The following LPXN variants were observed in gnomAD, a reference collection of about 807,000 sequenced individuals.
LPXN encodes the protein leupaxin.
Under a neutral mutation model 45.6 loss-of-function variants are expected in LPXN, and 28 were observed. That is an observed-to-expected ratio of 0.61 (90% CI 0.45 to 0.84). LPXN has a LOEUF of 0.84. LPXN is among the 40% of genes least tolerant of loss of function. The pLI, the probability that LPXN is intolerant of heterozygous loss-of-function variation, is 0.00. For synonymous variants in LPXN, 166 were observed against 169.9 expected, an observed-to-expected ratio of 0.98 and a Z score of 0.18; for missense variants, 459 against 475.0, an observed-to-expected ratio of 0.97 and a Z score of 0.31.
chr11:58,560,627 A>C (rs116677140), intron 3 of LPXN, among the ~76,000 whole-genome samples: 38 of 152,322 alleles, frequency 2.5e-4, no homozygotes, highest in African/African-American at 8.9e-4. Context: ...CTGACACTCT[A>C]TACAGAGCTT....
intron 1 of LPXN, among the ~76,000 whole-genome samples, chr11:58,571,834 A>G (rs1408279206): frequency 6.6e-6 from 1 of 152,220 alleles, no homozygotes; most frequent in Non-Finnish European, 1.5e-5. Context: ...TATTTTGTAG[A>G]TCACAAGAAA....
chr11:58,548,627 GATA>G (rs1168843303), intron 7 of LPXN, among the ~76,000 whole-genome samples: 4 of 152,252 alleles, frequency 2.6e-5, no homozygotes, highest in African/African-American at 9.6e-5. Flanking sequence ...AGGACACTGT[GATA>G]ATAATATTAA....
At chr11:58,527,823 C>A (rs1190313368) in intron 8 of LPXN, 100 bp from the exon 9 acceptor site, 3 of 1,241,824 alleles carry the variant, frequency 2.4e-6, no homozygotes, top group Non-Finnish European at 3.4e-6. Context: ...CAGTTACCTG[C>A]CAGCTACAGG....
chr11:58,552,065 G>A (rs1382125003), intron 4 of LPXN, among the ~76,000 whole-genome samples: 1 of 152,166 alleles, frequency 6.6e-6, no homozygotes, highest in East Asian at 1.9e-4. Context: ...TTATTCCAAG[G>A]TGATGGAAGC....
chr11:58,560,533 A>G (rs1318505836), intron 3 of LPXN, among the ~76,000 whole-genome samples: 1 of 152,190 alleles, frequency 6.6e-6, no homozygotes, highest in African/African-American at 2.4e-5. Flanking sequence ...AAAATTATAC[A>G]TTTTTCCTAC....
chr11:58,573,048 C>A (rs1456018814), intron 1 of LPXN, among the ~76,000 whole-genome samples: 1 of 151,986 alleles, frequency 6.6e-6, no homozygotes, highest in Non-Finnish European at 1.5e-5. Flanking sequence ...GAGTTCGAGA[C>A]CAGCCTGACC....
intron 7 of LPXN, among the ~76,000 whole-genome samples, chr11:58,548,182 T>G (rs1853931828): frequency 6.6e-6 from 1 of 152,284 alleles, no homozygotes; most frequent in African/African-American, 2.4e-5. Context: ...AAAAATATTT[T>G]CAGATATTCA....
At chr11:58,532,625 A>T (rs1344045652) in intron 7 of LPXN, among the ~76,000 whole-genome samples, 1 of 152,216 alleles carries the variant, frequency 6.6e-6, no homozygotes, top group Non-Finnish European at 1.5e-5. Context: ...AAATGCACCA[A>T]TCAGCACTCT....
rs534302565 is a variant in LPXN at position 58,539,529 on chromosome 11, A to C, written c.742+10257T>G. On this transcript the variant is annotated intron_variant, in intron 7 of 8. Coordinates refer to ENST00000395074, the MANE Select transcript of LPXN (RefSeq NM_004811.3). ...AGGAAATAGGAAGATTACTGGGATC[A>C]TATCAGAAAGATACAGTAACCAAAT... Among the ~76,000 whole-genome samples the C allele has an allele frequency of 2.6e-5, 4 of 152,336 alleles. No homozygotes were observed. In the East Asian group the frequency reaches 7.7e-4, roughly 29 times the overall value.
chr11:58,552,351 C>A (rs1169412110), intron 4 of LPXN, among the ~76,000 whole-genome samples: 1 of 151,822 alleles, frequency 6.6e-6, no homozygotes, highest in Non-Finnish European at 1.5e-5. Context: ...CCCTTCATAA[C>A]CTCATAACCT....
At chr11:58,529,339 G>A (rs552825250) in intron 7 of LPXN, among the ~76,000 whole-genome samples, 10 of 152,184 alleles carry the variant, frequency 6.6e-5, no homozygotes, top group East Asian at 3.9e-4. Context: ...GGCCGGGCAC[G>A]GTGGCTTGCA....
chr11:58,578,040 T>C (rs1233943370), upstream of LPXN: 2 of 1,550,778 alleles, frequency 1.3e-6, no homozygotes, highest in South Asian at 1.2e-5. Flanking sequence ...ATCAATAATG[T>C]AGACATGAAC....
intron 2 of LPXN, among the ~76,000 whole-genome samples, chr11:58,567,661 A>T (rs1854564460): frequency 6.6e-6 from 1 of 152,236 alleles, no homozygotes; most frequent in South Asian, 2.1e-4. Context: ...TTGGAAATAG[A>T]TGCCAAAGCT....
At chr11:58,564,634 T>C (rs1854475472) in intron 2 of LPXN, among the ~76,000 whole-genome samples, 1 of 152,172 alleles carries the variant, frequency 6.6e-6, no homozygotes, top group African/African-American at 2.4e-5. Context: ...ATTTATTAAT[T>C]GAACAAATAT....
Position 58,570,538 on chromosome 11 carries a change from TAATA to T in LPXN, c.171+14_171+17del, listed in dbSNP as rs763368292. ...CTCAAACATCCATGTTTAAGGACTA[TAATA>T]AATGAAAATTTACCGGCAAGGGACT... On this transcript the variant is annotated intron_variant, in intron 2 of 8. Transcript: ENST00000395074. 6.3e-7 allele frequency: 1 copy of T among 1,598,096 alleles called. No homozygotes were observed.
At chr11:58,573,016 C>G (rs1016434656) in intron 1 of LPXN, among the ~76,000 whole-genome samples, 1 of 152,028 alleles carries the variant, frequency 6.6e-6, no homozygotes. Context: ...GAGGCCGAGG[C>G]GGGCGGATCG....
rs1269700168 is a variant in LPXN, at chr11:58,549,961, G to A, written c.660+12C>T. The A allele has an allele frequency of 6.2e-7, 1 of 1,614,008 alleles. No homozygotes were observed. ...GTGACTGAAAGCTGGAGAGGAGCGG[G>A]GATTTACTTACATCCAGGATGGGAG... On this transcript the variant is annotated intron_variant, in intron 6 of 8. Coordinates refer to ENST00000395074, the MANE Select transcript of LPXN (RefSeq NM_004811.3).
chr11:58,572,071 T>C (rs1854720626), intron 1 of LPXN, among the ~76,000 whole-genome samples: 1 of 152,218 alleles, frequency 6.6e-6, no homozygotes, highest in African/African-American at 2.4e-5. Context: ...TATGGCTCAA[T>C]AATGCATTAG....
intron 7 of LPXN, among the ~76,000 whole-genome samples, chr11:58,530,057 C>T (rs920700990): frequency 6.6e-6 from 1 of 152,250 alleles, no homozygotes; most frequent in Non-Finnish European, 1.5e-5. Flanking sequence ...TGGAGATTCC[C>T]TCTTGTGCCT....
Sources: gnomAD v4.1 joint callset for allele counts (sites outside exome capture counted in the v4.1 genomes callset) on GRCh38, gnomAD v4.1.1 for gene constraint, MANE v1.5 for transcripts, NCBI Gene and HGNC (gene_info 2026-07-23, HGNC 2026-07-21) for gene names.